Variants in RALGPS1 observed in about 807,000 individuals in gnomAD.
RALGPS1 encodes ras-specific guanine nucleotide-releasing factor RalGPS1.
A neutral mutation model predicts 78.8 loss-of-function variants in RALGPS1; 19 were observed. The observed-to-expected ratio is 0.24, with a 90% CI of 0.17 to 0.35. The LOEUF is 0.35. RALGPS1 is among the 10% of genes least tolerant of loss of function. The pLI is 1.00. For missense variants in RALGPS1, 454 were observed against 688.3 expected, an observed-to-expected ratio of 0.66 and a Z score of 3.81; for synonymous variants, 228 against 256.3, an observed-to-expected ratio of 0.89 and a Z score of 1.06.
intron 7 of RALGPS1, among the ~76,000 whole-genome samples, chr9:127,058,004 A>G (rs551532233): frequency 1.3e-5 from 2 of 152,342 alleles, no homozygotes; most frequent in East Asian, 1.9e-4. Context: ...GTGTCATGCT[A>G]AAGTACAGGC....
At chr9:127,056,365 G>C (rs1336636603) in intron 7 of RALGPS1, among the ~76,000 whole-genome samples, 1 of 152,196 alleles carries the variant, frequency 6.6e-6, no homozygotes, top group East Asian at 1.9e-4. Flanking sequence ...TATTGTGTCA[G>C]GGAGAGAGGA....
At chr9:127,066,524 C>G (rs985953609) in intron 7 of RALGPS1, among the ~76,000 whole-genome samples, 1 of 152,154 alleles carries the variant, frequency 6.6e-6, no homozygotes, top group African/African-American at 2.4e-5. Context: ...GCCTGTAATC[C>G]TAGCTACTTG....
chr9:127,164,891 T>A (rs1288223321), intron 8 of RALGPS1, among the ~76,000 whole-genome samples: 3 of 152,184 alleles, frequency 2.0e-5, no homozygotes, highest in African/African-American at 7.2e-5. Flanking sequence ...CATTAATATA[T>A]ATATGTGTAT....
intron 1 of RALGPS1, among the ~76,000 whole-genome samples, chr9:126,916,549 G>A (rs950063194): frequency 6.6e-6 from 1 of 152,224 alleles, no homozygotes; most frequent in Non-Finnish European, 1.5e-5. Context: ...GGGAGGCCAA[G>A]GCGGGTGGAT....
chr9:127,070,149 A>C (rs1042758228), intron 8 of RALGPS1: 2 of 152,116 alleles, frequency 1.3e-5, no homozygotes, highest in Admixed American at 1.3e-4. Flanking sequence ...TCTGAGGAGG[A>C]GCACACAACC....
At chr9:126,953,701 A>G (rs1462344604) in intron 1 of RALGPS1, among the ~76,000 whole-genome samples, 5 of 152,234 alleles carry the variant, frequency 3.3e-5, no homozygotes, top group African/African-American at 9.6e-5. Flanking sequence ...CAGACTGTGT[A>G]TGAGCTCCTA....
intron 8 of RALGPS1, among the ~76,000 whole-genome samples, chr9:127,158,677 C>CT (rs1182066513): frequency 2.1e-5 from 3 of 144,576 alleles, no homozygotes; most frequent in Non-Finnish European, 3.0e-5. Flanking sequence ...TTTCTCGTTT[C>CT]TTTTTTTTCT....
At chr9:127,134,016 G>A (rs1381568775) in intron 8 of RALGPS1, among the ~76,000 whole-genome samples, 1 of 125,656 alleles carries the variant, frequency 8.0e-6, no homozygotes, top group Non-Finnish European at 1.9e-5. Context: ...TCCCCCCCCC[G>A]TGAATGCTGT....
At chr9:127,012,641 A>G (rs1045204372) in intron 4 of RALGPS1, among the ~76,000 whole-genome samples, 1 of 152,224 alleles carries the variant, frequency 6.6e-6, no homozygotes, top group African/African-American at 2.4e-5. Context: ...AGCTGAGACT[A>G]AGGCAGCCCT....
intron 4 of RALGPS1, among the ~76,000 whole-genome samples, chr9:127,003,779 G>T (rs2043573308): frequency 6.6e-6 from 1 of 151,960 alleles, no homozygotes; most frequent in African/African-American, 2.4e-5. Context: ...CATAGGTAAT[G>T]TGTGCCATGG....
chr9:127,196,594 G>T lies in RALGPS1; in HGVS notation c.1158G>T (p.Leu386=). 3 of 1,612,574 alleles carry T rather than the reference G, an allele frequency of 1.9e-6. No individual in the cohort carries two copies. Among genetic ancestry groups the T allele is most frequent in the Non-Finnish European group, 2.5e-6 (3 of 1,179,144 alleles). ...GCAGCCCCCGAAGGGGCCTGGCTCT[G>T]ACCTCCTCCTCTGCTGTCACCAATG... is the stretch of plus-strand genomic sequence containing the variant. The part of the protein sequence containing the change: ...ESRSPRRGLA[L]TSSSAVTNGL... The change falls in exon 13 of 19, where the codon CTG becomes CTT. Residue 386 remains leucine (L), a synonymous_variant. Coordinates refer to ENST00000259351, the MANE Select transcript of RALGPS1 (RefSeq NM_014636.3).
intron 4 of RALGPS1, among the ~76,000 whole-genome samples, chr9:126,997,332 C>T (rs1283491506): frequency 6.6e-6 from 1 of 152,210 alleles, no homozygotes; most frequent in Non-Finnish European, 1.5e-5. Context: ...AGCAAAGTCT[C>T]AGGATTCAAA....
rs983379055 is a variant in RALGPS1 at position 126,937,479 on chromosome 9, A to G, written c.-66+22504A>G. On this transcript the variant is annotated intron_variant, in intron 1 of 18. Coordinates refer to ENST00000259351, the MANE Select transcript of RALGPS1 (RefSeq NM_014636.3). ...ATATTAGGACTAGATTTGGTTGCCT[A>G]TAATAATGCCTGAATGACAATGGGT... Among the ~76,000 whole-genome samples, 3 of 152,240 alleles carry G rather than the reference A, an allele frequency of 2.0e-5. No homozygotes were observed. In the East Asian group the frequency reaches 5.8e-4, roughly 29 times the overall value.
rs1248258543 is a variant in RALGPS1, at chr9:126,990,137, G to A, written c.216+12392G>A. 12 of 1,018,130 alleles carry A rather than the reference G, an allele frequency of 1.2e-5. 1 individual carries two copies. The South Asian group carries it at 1.4e-4, about 12-fold the overall frequency. 63.1% of individuals were successfully genotyped at this position (1,018,130 alleles called of 1,614,324 possible). On this transcript the variant is annotated intron_variant, in intron 4 of 18. Transcript: ENST00000259351. ...TCCTTGGAATCAGTGTTTGGCCCTCGGAGAGGGAAGAATGTGGCCAGCAGG... is the reference window on the plus strand; with the variant it reads ...TCCTTGGAATCAGTGTTTGGCCCTCAGAGAGGGAAGAATGTGGCCAGCAGG...
At chr9:126,968,294 C>T (rs1006584860) in intron 3 of RALGPS1, among the ~76,000 whole-genome samples, 1 of 152,110 alleles carries the variant, frequency 6.6e-6, no homozygotes, top group Admixed American at 6.5e-5. Flanking sequence ...CATGAGCCAC[C>T]GCACCTGACC....
At position 127,212,871 on chromosome 9, in the gene RALGPS1, G is replaced by T. The variant is rs1323736415; in HGVS notation, c.1447-73G>T. The T allele has an allele frequency of 2.5e-6, 4 of 1,604,180 alleles. No homozygotes were observed. The highest frequency in any genetic ancestry group is 3.4e-6 in the Non-Finnish European group (4 of 1,174,178). On this transcript the variant is annotated intron_variant, in intron 16 of 18. Coordinates refer to ENST00000259351, the MANE Select transcript of RALGPS1 (RefSeq NM_014636.3). The surrounding 1 kb of genome is among the most constrained non-coding windows in gnomAD (Gnocchi z 6.0). The stretch of plus-strand genomic sequence containing the variant: ...GCAGGGGAGGGAGGAAGCCTTGCCT[G>T]GCCCACGTCGGCCTCCCTTGTGGAG...
chr9:127,160,495 G>A (rs1018262306), intron 8 of RALGPS1, among the ~76,000 whole-genome samples: 5 of 152,228 alleles, frequency 3.3e-5, no homozygotes, highest in African/African-American at 9.6e-5. Flanking sequence ...AGTGTCACCA[G>A]GCCCTGTGTG....
At chr9:127,042,403 G>T (rs1267212362) in intron 5 of RALGPS1, among the ~76,000 whole-genome samples, 1 of 151,736 alleles carries the variant, frequency 6.6e-6, no homozygotes, top group Non-Finnish European at 1.5e-5. Flanking sequence ...AATAGGCTAG[G>T]GTAGAAAAAT....
intron 1 of RALGPS1, among the ~76,000 whole-genome samples, chr9:126,916,175 CTAAAG>C (rs1026176066): frequency 2.6e-5 from 4 of 152,124 alleles, no homozygotes; most frequent in Admixed American, 2.6e-4. Flanking sequence ...ACTGGAGAGT[CTAAAG>C]AAGAGAGGGT....
Sources: allele counts gnomAD v4.1 joint callset (sites outside exome capture counted in the v4.1 genomes callset), GRCh38; gene constraint gnomAD v4.1.1; non-coding constraint Gnocchi (gnomAD v3.1); transcripts MANE v1.5; gene names NCBI Gene and HGNC (gene_info 2026-07-23, HGNC 2026-07-21).